KDM1B: variants seen among roughly 807,000 people sequenced by gnomAD.
The protein encoded by KDM1B is lysine demethylase 1B, also known as lysine-specific histone demethylase 2.
KDM1B carries 63 observed loss-of-function variants against 107.4 expected under a neutral mutation model. That is an observed-to-expected ratio of 0.59 (90% CI 0.48 to 0.72). KDM1B has a LOEUF of 0.72. KDM1B is among the 30% of genes least tolerant of loss of function. KDM1B has a pLI of 0.00. For synonymous variants in KDM1B, 363 were observed against 363.9 expected, an observed-to-expected ratio of 1.00 and a Z score of 0.03; for missense variants, 749 against 1,020.8, an observed-to-expected ratio of 0.73 and a Z score of 3.63.
chr6:18,197,563 A>G lies in KDM1B; in HGVS notation c.1147-24A>G. On this transcript the variant is annotated intron_variant, in intron 11 of 21. Coordinates refer to ENST00000650836, the MANE Select transcript of KDM1B (RefSeq NM_001364614.2). The surrounding 1 kb of genome is among the most constrained non-coding windows in gnomAD (Gnocchi z 4.5). ...CGTTGTTATCATCTGCTCTAATTGG[A>G]CTTTTGTTTCTTTTCTTTTTAAGAA... 6.3e-7 allele frequency: 1 copy of G among 1,592,676 alleles called. No individual in the cohort carries two copies. The highest frequency in any genetic ancestry group is 2.2e-5 in the East Asian group (1 of 44,754).
At chr6:18,210,682 C>T (rs1345736615) in intron 17 of KDM1B, among the ~76,000 whole-genome samples, 3 of 151,974 alleles carry the variant, frequency 2.0e-5, no homozygotes, top group African/African-American at 7.3e-5. Flanking sequence ...TTATGCTTTT[C>T]AGTGCTATTT....
chr6:18,222,470 G>C lies in KDM1B; in HGVS notation c.*478G>C, dbSNP rs962087462. ...AATTTTTATATAGGTCCAATATTGA[G>C]CTTTTACTTAAAATTTAGATAGAAC... On this transcript the variant is annotated 3_prime_UTR_variant, in exon 22 of 22. Coordinates refer to ENST00000650836, the MANE Select transcript of KDM1B (RefSeq NM_001364614.2). The C allele has an allele frequency of 9.7e-6, 2 of 205,674 alleles. No homozygotes were observed. Among genetic ancestry groups the C allele is most frequent in the Admixed American group, 5.5e-5 (1 of 18,180 alleles). The allele number at this position is 205,674 out of a possible 1,614,324, so 12.7% of individuals were successfully genotyped here.
Position 18,185,782 on chromosome 6 carries a change from C to T in KDM1B, c.545C>T (p.Ser182Leu). The change falls in exon 8 of 22, where the codon TCA (serine) becomes TTA (leucine). Residue 182 changes from serine to leucine, a missense_variant. Physicochemically the swap from Ser to Leu is moderately radical, Grantham distance 145. Coordinates refer to ENST00000650836, the MANE Select transcript of KDM1B (RefSeq NM_001364614.2). Reference protein sequence around the residue: ...KPNTAIKPETSDHCSLPEDLR... With the variant: ...KPNTAIKPETLDHCSLPEDLR... ...GGTTTTCTTTTGTAGCCTGAGACCT[C>T]AGATCATTGTTCCCTCCCAGAGGAT... is the stretch of plus-strand genomic sequence containing the variant. 1 of 1,614,040 alleles carries T rather than the reference C, an allele frequency of 6.2e-7. No homozygotes were observed.
chr6:18,187,476 C>T (rs1476817948), intron 8 of KDM1B, among the ~76,000 whole-genome samples: 1 of 151,988 alleles, frequency 6.6e-6, no homozygotes, highest in Non-Finnish European at 1.5e-5. Context: ...CCTAGGCTTG[C>T]GATCTAGTAA....
chr6:18,203,625 G>T lies in KDM1B; in HGVS notation c.1532-1912G>T, dbSNP rs778674098. 1.3e-5 allele frequency among the ~76,000 whole-genome samples: 2 copies of T among 152,158 alleles called. No homozygotes were observed. Among genetic ancestry groups the T allele is most frequent in the Non-Finnish European group, 2.9e-5 (2 of 68,030 alleles). On this transcript the variant is annotated intron_variant, in intron 14 of 21. Transcript: ENST00000650836. This position sits in a 1 kb window ranked among gnomAD's most constrained non-coding sequence, Gnocchi z 5.5. ...CTCAGCACTTTGGGAGGCCAAGGCG[G>T]GTGGATCACCTGAGTTCAGGAGTTC...
At chr6:18,210,367 T>C (rs1273951783) in intron 17 of KDM1B, among the ~76,000 whole-genome samples, 26 of 101,882 alleles carry the variant, frequency 2.6e-4, no homozygotes, top group Non-Finnish European at 4.3e-4. Context: ...TTTTTTTTTT[T>C]TTTTTGTTTT....
At chr6:18,208,040 G>A (rs751610768) in intron 16 of KDM1B, 92 bp from the exon 17 acceptor site, 1 of 906,252 alleles carries the variant, frequency 1.1e-6, no homozygotes, top group Non-Finnish European at 1.8e-6. Context: ...CTTAGCCTTG[G>A]AGATGTAAAT....
intron 17 of KDM1B, among the ~76,000 whole-genome samples, chr6:18,210,204 C>A (rs1176714585): frequency 6.6e-6 from 1 of 152,180 alleles, no homozygotes; most frequent in African/African-American, 2.4e-5. Context: ...ACGTGATAGA[C>A]CGATGAACCT....
chr6:18,166,005 T>C (rs76864083), intron 5 of KDM1B, among the ~76,000 whole-genome samples: 1,835 of 152,106 alleles, frequency 0.012, 38 homozygotes, highest in African/African-American at 0.041. Context: ...ACACCCTGTA[T>C]CAAGGGGAAA....
In KDM1B at chr6:18,183,611, A is replaced by G. The variant is rs79290296; in HGVS notation, c.535-2161A>G. Among the ~76,000 whole-genome samples, 1,240 of 152,066 alleles carry G rather than the reference A, an allele frequency of 8.2e-3. 22 individuals are homozygous for G. The highest frequency in any genetic ancestry group is 0.029 in the African/African-American group (1,184 of 41,486). On this transcript the variant is annotated intron_variant, in intron 7 of 21. Transcript: ENST00000650836. ...GCTTTTTGTTACAGGGTTAATACGT[A>G]TTTCTGAAACCCTAAGTAACATAAG...
chr6:18,220,809 T>A (rs982705448), intron 21 of KDM1B, among the ~76,000 whole-genome samples: 2 of 151,056 alleles, frequency 1.3e-5, no homozygotes, highest in Non-Finnish European at 2.9e-5. Flanking sequence ...TCTCGCTGTG[T>A]CGCACAGGCT....
intron 7 of KDM1B, among the ~76,000 whole-genome samples, chr6:18,177,293 AGTG>A (rs1786086712): frequency 6.6e-6 from 1 of 151,980 alleles, no homozygotes; most frequent in Admixed American, 6.6e-5. Flanking sequence ...TTTGTATTTC[AGTG>A]GTGTCAGTTG....
chr6:18,220,198 A>G (rs769684653), intron 21 of KDM1B, among the ~76,000 whole-genome samples: 11 of 152,208 alleles, frequency 7.2e-5, no homozygotes, highest in Admixed American at 3.3e-4. Context: ...TTCGTTTAAT[A>G]TGGTTTAGAA....
At chr6:18,208,603 G>GTATGTATATATATATATATATA (rs869173486) in intron 17 of KDM1B, among the ~76,000 whole-genome samples, 1 of 34,896 alleles carries the variant, frequency 2.9e-5, no homozygotes, top group Non-Finnish European at 4.8e-5. Flanking sequence ...GTATGTGTAT[G>GTATGTATATATATATATATATA]TATATATATA....
chr6:18,160,809 T>C (rs1186791291), intron 3 of KDM1B, among the ~76,000 whole-genome samples: 4 of 149,568 alleles, frequency 2.7e-5, no homozygotes, highest in South Asian at 2.1e-4. Context: ...AATGACTTTT[T>C]TTTTTTTGAC....
At chr6:18,221,209 A>G (rs1349308083) in intron 21 of KDM1B, among the ~76,000 whole-genome samples, 1 of 150,256 alleles carries the variant, frequency 6.7e-6, no homozygotes, top group Non-Finnish European at 1.5e-5. Context: ...ACTTCACTTC[A>G]CCTCTCCATT....
At chr6:18,163,913 T>C (rs1785122592) in intron 5 of KDM1B, among the ~76,000 whole-genome samples, 1 of 152,098 alleles carries the variant, frequency 6.6e-6, no homozygotes, top group Non-Finnish European at 1.5e-5. Context: ...GGTGGGTCTA[T>C]CAGTGTCAAC....
At chr6:18,207,245 C>T (rs945848110) in intron 15 of KDM1B, among the ~76,000 whole-genome samples, 153 bp from the exon 16 acceptor site, 13 of 152,114 alleles carry the variant, frequency 8.5e-5, no homozygotes, top group Non-Finnish European at 1.6e-4. Flanking sequence ...ATCGAGATTT[C>T]CTCCCCCAGT....
At chr6:18,185,559 C>T (rs763784076) in intron 7 of KDM1B, among the ~76,000 whole-genome samples, 3 of 152,190 alleles carry the variant, frequency 2.0e-5, no homozygotes, top group Non-Finnish European at 4.4e-5. Context: ...ACCTTGACCT[C>T]CCAAACTGCT....
Sources: allele counts gnomAD v4.1 joint callset (sites outside exome capture counted in the v4.1 genomes callset), GRCh38; gene constraint gnomAD v4.1.1; non-coding constraint Gnocchi (gnomAD v3.1); transcripts MANE v1.5; gene names NCBI Gene and HGNC (gene_info 2026-07-23, HGNC 2026-07-21).